The following MAN1A1 variants were observed in gnomAD, a reference collection of about 807,000 sequenced individuals.
The protein encoded by MAN1A1 is mannosyl-oligosaccharide 1,2-alpha-mannosidase IA.
Under a neutral mutation model 70.8 loss-of-function variants are expected in MAN1A1, and 29 were observed. The observed-to-expected ratio is 0.41, with a 90% CI of 0.31 to 0.56. The LOEUF (loss-of-function observed/expected upper bound fraction) is 0.56. Among genes scored for constraint, MAN1A1 ranks in the 20% least tolerant of loss-of-function variants. The pLI is 0.29. For synonymous variants in MAN1A1, 349 were observed against 330.1 expected (o/e 1.06, Z -0.62); for missense variants, 747 against 841.3 (o/e 0.89, Z 1.39).
At chr6:119,285,551 C>A (rs528356531) in intron 5 of MAN1A1, among the ~76,000 whole-genome samples, 3 of 151,864 alleles carry the variant, frequency 2.0e-5, no homozygotes, top group African/African-American at 7.3e-5. Flanking sequence ...TATTTCTTCA[C>A]TGTATGGGAT....
intron 5 of MAN1A1, among the ~76,000 whole-genome samples, chr6:119,278,501 A>C (rs998530947): frequency 6.6e-6 from 1 of 152,162 alleles, no homozygotes; most frequent in Non-Finnish European, 1.5e-5. Context: ...AATTTTATAG[A>C]AAGTGTTTAT....
intron 6 of MAN1A1, among the ~76,000 whole-genome samples, chr6:119,245,658 G>T (rs768970254): frequency 6.6e-6 from 1 of 152,014 alleles, no homozygotes; most frequent in African/African-American, 2.4e-5. Flanking sequence ...GTAAGTCACT[G>T]GTATTTAGTA....
At chr6:119,265,827 AAAAT>A (rs1158882060) in intron 5 of MAN1A1, among the ~76,000 whole-genome samples, 2 of 152,212 alleles carry the variant, frequency 1.3e-5, no homozygotes, top group Admixed American at 6.5e-5. Flanking sequence ...GGAAAGAAGA[AAAAT>A]AAAATTTTGT....
upstream of MAN1A1, chr6:119,350,465 A>G (rs1435050074): frequency 1.1e-6 from 1 of 937,180 alleles, no homozygotes; most frequent in Non-Finnish European, 1.3e-6. Flanking sequence ...CCCCCAAAAA[A>G]CAAAAAACCG....
At chr6:119,343,736 T>G (rs1773657074) in intron 2 of MAN1A1, among the ~76,000 whole-genome samples, 1 of 152,180 alleles carries the variant, frequency 6.6e-6, no homozygotes, top group Non-Finnish European at 1.5e-5. Flanking sequence ...TGCCACTCGT[T>G]TCACAGTATC....
At position 119,348,646 on chromosome 6, in the gene MAN1A1, C is replaced by T. The variant is rs746618035; in HGVS notation, c.420G>A (p.Gln140=). The part of the protein sequence containing the change: ...RALREAKETL[Q]KLPEEIQRDI... ...CTCTTTGGATCTCCTCGGGCAGCTT[C>T]TGCAGGGTCTCCTTGGCTTCCCTGA... is the stretch of plus-strand genomic sequence containing the variant. The change falls in exon 2 of 13, where the codon CAG becomes CAA. Residue 140 remains glutamine, a synonymous_variant. Coordinates refer to ENST00000368468, the MANE Select transcript of MAN1A1 (RefSeq NM_005907.4). 39 of 1,613,640 alleles carry T rather than the reference C, an allele frequency of 2.4e-5. No individual in the cohort carries two copies. The highest frequency in any genetic ancestry group is 1.7e-4 in the Middle Eastern group (1 of 6,060).
intron 2 of MAN1A1, among the ~76,000 whole-genome samples, chr6:119,331,655 G>C (rs1773319287): frequency 6.7e-6 from 1 of 148,718 alleles, no homozygotes. Flanking sequence ...TTGTTAAGTT[G>C]AGCACAATAT....
chr6:119,244,748 C>T (rs1398992077), intron 6 of MAN1A1, among the ~76,000 whole-genome samples: 2 of 152,094 alleles, frequency 1.3e-5, no homozygotes, highest in Non-Finnish European at 1.5e-5. Context: ...TATTATCTCT[C>T]CTTGGTCCAT....
chr6:119,193,738 T>C (rs754987553), intron 9 of MAN1A1, 39 bp downstream of exon 9: 8 of 1,391,522 alleles, frequency 5.7e-6, no homozygotes, highest in Non-Finnish European at 7.1e-6. Flanking sequence ...AATTATAAGT[T>C]AGGGCTGAGT....
rs556996836 is a variant in MAN1A1, at chr6:119,228,661, A to C, written c.992+19599T>G. On this transcript the variant is annotated intron_variant, in intron 6 of 12. Transcript: ENST00000368468. ...CCACAATGATATGAAATTCAGAATA[A>C]ATCTGAAGAACTTAAAAAAACAAAT... 2.3e-3 allele frequency among the ~76,000 whole-genome samples: 346 copies of C among 152,252 alleles called. 2 individuals are homozygous for C. The highest frequency in any genetic ancestry group is 0.014 in the Middle Eastern group (4 of 294).
intron 9 of MAN1A1, among the ~76,000 whole-genome samples, chr6:119,190,756 C>G (rs1562184436): frequency 6.6e-6 from 1 of 152,150 alleles, no homozygotes. Context: ...TCTTTTATTT[C>G]TATCCCAGGT....
intron 8 of MAN1A1, among the ~76,000 whole-genome samples, chr6:119,196,419 T>C (rs187774039): frequency 4.6e-5 from 7 of 152,082 alleles, no homozygotes; most frequent in Admixed American, 4.6e-4. Flanking sequence ...CAGGCCTGGA[T>C]GGCTGTTTGT....
At chr6:119,345,779 G>A (rs1354538632) in intron 2 of MAN1A1, among the ~76,000 whole-genome samples, 1 of 152,146 alleles carries the variant, frequency 6.6e-6, no homozygotes, top group Non-Finnish European at 1.5e-5. Flanking sequence ...GTGCATTCAG[G>A]TGTGATAGAG....
At chr6:119,185,844 GT>G (rs63362861) in intron 11 of MAN1A1, among the ~76,000 whole-genome samples, 62,225 of 132,156 alleles carry the variant, frequency 0.47, 14,468 homozygotes, top group South Asian at 0.57. Flanking sequence ...TGGCCTCCCA[GT>G]TTTTTTTTTT....
At chr6:119,331,213 C>G (rs372176503) in intron 2 of MAN1A1, among the ~76,000 whole-genome samples, 7 of 152,172 alleles carry the variant, frequency 4.6e-5, no homozygotes, top group South Asian at 2.1e-4. Context: ...CTTCTATATA[C>G]AACTTGACTG....
chr6:119,317,532 C>T (rs1772887158), intron 2 of MAN1A1, among the ~76,000 whole-genome samples: 1 of 152,154 alleles, frequency 6.6e-6, no homozygotes, highest in Non-Finnish European at 1.5e-5. Context: ...ATTTAAGGTA[C>T]CTCCATGCCC....
At position 119,306,934 on chromosome 6, in the gene MAN1A1, T is replaced by C. The variant is rs1263203609; in HGVS notation, c.662A>G (p.Lys221Arg). 1 of 1,600,950 alleles carries C rather than the reference T, an allele frequency of 6.2e-7. No homozygotes were observed. Among genetic ancestry groups the C allele is most frequent in the Non-Finnish European group, 8.6e-7 (1 of 1,168,136 alleles). ...TGAATGGCCTCCTTTTGATATAGGT[T>C]TGAGTTCATTTAATCCCCAGGCATA... ...KGYAWGLNEL[K>R]PISKGGHSSS... Residue 221 changes from lysine to arginine, a missense_variant, in exon 3 of 13, where the codon AAA (lysine) becomes AGA (arginine). Lys to Arg is a conservative substitution (Grantham distance 26, BLOSUM62 2). Transcript: ENST00000368468.
intron 8 of MAN1A1, 73 bp downstream of exon 8, chr6:119,201,181 G>T: frequency 9.0e-7 from 1 of 1,110,608 alleles, no homozygotes; most frequent in Non-Finnish European, 1.4e-6. Flanking sequence ...AATCTGTGCT[G>T]CTTTTGTGCT....
intron 2 of MAN1A1, among the ~76,000 whole-genome samples, chr6:119,333,099 C>A (rs1434515320): frequency 1.3e-5 from 2 of 152,190 alleles, no homozygotes; most frequent in Non-Finnish European, 2.9e-5. Context: ...CTGCAAAAAT[C>A]CCTCAGTGTT....
Sources: gnomAD v4.1 joint callset for allele counts (sites outside exome capture counted in the v4.1 genomes callset) on GRCh38, gnomAD v4.1.1 for gene constraint, MANE v1.5 for transcripts, NCBI Gene and HGNC (gene_info 2026-07-23, HGNC 2026-07-21) for gene names.